The following VWA3A variants were observed in gnomAD, a reference collection of about 807,000 sequenced individuals.
The protein encoded by VWA3A is von Willebrand factor A domain-containing protein 3A.
In VWA3A, 134 loss-of-function variants were observed where a neutral mutation model predicts 160.4. The observed-to-expected ratio is 0.84, with a 90% CI of 0.73 to 0.96. The LOEUF is 0.96. Ranked by LOEUF, VWA3A falls within the 40% of genes least tolerant of loss-of-function variation. The pLI, the probability that VWA3A is intolerant of heterozygous loss-of-function variation, is 0.00. For missense variants in VWA3A, 1,310 were observed against 1,447.9 expected (o/e 0.90, Z 1.55); for synonymous variants, 476 against 543.4 (o/e 0.88, Z 1.72).
chr16:22,126,295 C>T lies in VWA3A; in HGVS notation c.1650C>T (p.Ile550=), dbSNP rs75868483. 1,242 of 1,611,290 alleles carry T rather than the reference C, an allele frequency of 7.7e-4. 1 individual carries two copies. The highest frequency in any genetic ancestry group is 9.9e-4 in the Non-Finnish European group (1,167 of 1,178,010). Residue 550 remains isoleucine (I), a splice_region_variant and synonymous_variant, in exon 17 of 34, where the codon ATC becomes ATT. Coordinates refer to ENST00000389398, the MANE Select transcript of VWA3A (RefSeq NM_173615.5). ...CCAACAAGGACTGTTTCAACCTCAT[C>T]GCGTATGTGTCTCCTGGCTCCTGGG... ...QLSNKDCFNL[I]AFGSTIESWR...
In VWA3A at chr16:22,142,671, C is replaced by T; in HGVS notation, c.2498C>T (p.Ser833Leu). 2 of 1,562,500 alleles carry T rather than the reference C, an allele frequency of 1.3e-6. No individual in the cohort carries two copies. Among genetic ancestry groups the T allele is most frequent in the Non-Finnish European group, 1.7e-6 (2 of 1,152,288 alleles). Residue 833 changes from serine to leucine, a missense_variant, in exon 25 of 34, where the codon TCA becomes TTA. Physicochemically the swap from Ser to Leu is moderately radical, Grantham distance 145 (BLOSUM62 -2). Coordinates refer to ENST00000389398, the MANE Select transcript of VWA3A (RefSeq NM_173615.5). ...GACCTCACTCTGCTTCTTCTAGGCT[C>T]AGTGTACAAGAAGTACCCTCAAGGA... ...FYTEKGNDVGSVYKKYPQGRG... is the reference protein window; with the variant it reads ...FYTEKGNDVGLVYKKYPQGRG...
At chr16:22,126,745 C>T (rs1833928) in intron 17 of VWA3A, among the ~76,000 whole-genome samples, 9,363 of 152,108 alleles carry the variant, frequency 0.062, 999 homozygotes, top group African/African-American at 0.21. Flanking sequence ...CAGTGGCTCA[C>T]GCCTGTAATC....
At chr16:22,147,586 G>A (rs1048847936) in intron 27 of VWA3A, 1 of 703,184 alleles carries the variant, frequency 1.4e-6, no homozygotes. Flanking sequence ...GTCCTCTGCA[G>A]TAGGACCTGG....
rs1432849208 is a variant in VWA3A, at chr16:22,118,974, C to T, written c.1063C>T (p.Gln355Ter). Residue 355 changes from glutamine (Q) to a stop codon, truncating the protein, a stop_gained, in exon 12 of 34, where the codon CAA (glutamine) becomes TAA (stop). Coordinates refer to ENST00000389398, the MANE Select transcript of VWA3A (RefSeq NM_173615.5). LOFTEE classifies it high-confidence loss of function. ...GGCCCAGAGCCTCCTCAGCCACGTG[C>T]AAGCCCTGCAGCACAGCAGCCCCTG... The part of the protein sequence containing the change: ...QKAQSLLSHV[Q>*]ALQHSSPCEA... 1 of 1,613,924 alleles carries T rather than the reference C, an allele frequency of 6.2e-7. No individual in the cohort carries two copies. Among genetic ancestry groups the T allele is most frequent in the Non-Finnish European group, 8.5e-7 (1 of 1,179,842 alleles).
chr16:22,110,997 G>A lies in VWA3A; in HGVS notation c.689+3G>A. The A allele has an allele frequency of 2.5e-6, 4 of 1,599,264 alleles. No homozygotes were observed. The highest frequency in any genetic ancestry group is 2.3e-5 in the South Asian group (2 of 88,262). ...CCCATGGAAGTCAGCGCCTCCACGT[G>A]AGTGGCTTTCCTACCTGACGGTGAT... On this transcript the variant is annotated splice_donor_region_variant and intron_variant, in intron 8 of 33. Coordinates refer to ENST00000389398, the MANE Select transcript of VWA3A (RefSeq NM_173615.5).
intron 6 of VWA3A, among the ~76,000 whole-genome samples, chr16:22,108,321 G>A (rs938934044): frequency 6.6e-6 from 1 of 152,152 alleles, no homozygotes; most frequent in African/African-American, 2.4e-5. Context: ...TCCAGGAGAA[G>A]GGATGATTAC....
Position 22,113,363 on chromosome 16 carries a change from CTTTTTTTTTTTTTTTTTTTT to C in VWA3A, c.690-1970_690-1951del, listed in dbSNP as rs569069206. Among the ~76,000 whole-genome samples the C allele has an allele frequency of 2.8e-4, 13 of 46,264 alleles. No homozygotes were observed. In the East Asian group the frequency reaches 0.014, roughly 49 times the overall value. 30.4% of individuals were successfully genotyped at this position (46,264 alleles called of 152,430 possible). ...TGCTCCACAATGCCTGGCTAATTTT[CTTTTTTTTTTTTTTTTTTTT>C]TTTTTTTTTTTTTGTATTTTTAGTA... On this transcript the variant is annotated intron_variant, in intron 8 of 33. Transcript: ENST00000389398.
intron 14 of VWA3A, among the ~76,000 whole-genome samples, 160 bp downstream of exon 14, chr16:22,121,777 C>T (rs1379553066): frequency 6.6e-6 from 1 of 152,036 alleles, no homozygotes; most frequent in African/African-American, 2.4e-5. Context: ...TGTTGGTTTT[C>T]AAAGATCTGA....
intron 2 of VWA3A, among the ~76,000 whole-genome samples, 188 bp downstream of exon 2, chr16:22,097,133 T>C (rs1285055614): frequency 1.3e-5 from 2 of 151,800 alleles, no homozygotes; most frequent in Non-Finnish European, 1.5e-5. Flanking sequence ...ACCCAGCTGA[T>C]TTTGTGTATT....
rs2046237634 is a variant in VWA3A, at chr16:22,145,734, G to A, written c.2731-502G>A. ...AATCTTAATTCCCTACTCCTTTGTA[G>A]AACCATAAATCCACTAGTTTAATAG... On this transcript the variant is annotated intron_variant, in intron 26 of 33. Transcript: ENST00000389398. 2.0e-5 allele frequency among the ~76,000 whole-genome samples: 3 copies of A among 149,282 alleles called. No homozygotes were observed. The South Asian group carries it at 6.3e-4, about 31-fold the overall frequency.
chr16:22,101,331 T>C (rs1245346011), intron 5 of VWA3A, among the ~76,000 whole-genome samples: 1 of 152,210 alleles, frequency 6.6e-6, no homozygotes, highest in Non-Finnish European at 1.5e-5. Context: ...TTAAGAGTAA[T>C]GACTTTCAAT....
intron 31 of VWA3A, among the ~76,000 whole-genome samples, chr16:22,153,659 A>C (rs1598115655): frequency 6.6e-6 from 1 of 152,090 alleles, no homozygotes; most frequent in Admixed American, 6.6e-5. Flanking sequence ...CAGCGCAACA[A>C]ATTATCAAGT....
At chr16:22,094,483 G>C (rs1186935308) in intron 1 of VWA3A, among the ~76,000 whole-genome samples, 1 of 152,040 alleles carries the variant, frequency 6.6e-6, no homozygotes, top group Non-Finnish European at 1.5e-5. Context: ...ACTCTAAGTT[G>C]CAACTTTATT....
At position 22,100,493 on chromosome 16, in the gene VWA3A, A is replaced by C. The variant is rs2045392162; in HGVS notation, c.428A>C (p.Asp143Ala). ...IIRHFESKLS[D>A]TIEVYQERIQ... ...CGCCATTTTGAGTCAAAGCTTTCTG[A>C]GTAAGTATGTTTCTCACTGTCCTCC... Residue 143 changes from aspartate (D) to alanine (A), a missense_variant and splice_region_variant, in exon 5 of 34, where the codon GAC (aspartate) becomes GCC (alanine). Coordinates refer to ENST00000389398, the MANE Select transcript of VWA3A (RefSeq NM_173615.5). 12 of 1,551,428 alleles carry C rather than the reference A, an allele frequency of 7.7e-6. No homozygotes were observed. Among genetic ancestry groups the C allele is most frequent in the Non-Finnish European group, 9.6e-6 (11 of 1,146,898 alleles).
Position 22,100,327 on chromosome 16 carries a change from G to A in VWA3A, c.350+9G>A. ...CAGGGCACAGAAGTGCTGTAAGTCT[G>A]AAGCTGTTCCCCGCACCCCCCACAG... On this transcript the variant is annotated intron_variant, in intron 4 of 33. Transcript: ENST00000389398. 1 of 1,551,594 alleles carries A rather than the reference G, an allele frequency of 6.4e-7. No individual in the cohort carries two copies. Among genetic ancestry groups the A allele is most frequent in the Non-Finnish European group, 8.7e-7 (1 of 1,146,992 alleles).
At chr16:22,126,948 AAGATC>A (rs5816168) in intron 17 of VWA3A, among the ~76,000 whole-genome samples, 64,841 of 149,392 alleles carry the variant, frequency 0.43, 15,987 homozygotes, top group East Asian at 0.81. Flanking sequence ...AAATACAACA[AAGATC>A]AGAGAGGTTT....
At chr16:22,147,998 C>T (rs967830159) in intron 27 of VWA3A, among the ~76,000 whole-genome samples, 164 bp from the exon 28 acceptor site, 1 of 152,116 alleles carries the variant, frequency 6.6e-6, no homozygotes, top group African/African-American at 2.4e-5. Flanking sequence ...ACCCCTCCCA[C>T]AGCACCACAA....
intron 12 of VWA3A, among the ~76,000 whole-genome samples, chr16:22,119,381 A>G (rs1422640109): frequency 6.6e-6 from 1 of 152,166 alleles, no homozygotes; most frequent in Non-Finnish European, 1.5e-5. Context: ...CCTTTAAGAG[A>G]GTCATTCTCA....
intron 5 of VWA3A, among the ~76,000 whole-genome samples, chr16:22,102,010 C>T (rs976614925): frequency 6.6e-6 from 1 of 152,196 alleles, no homozygotes; most frequent in Admixed American, 6.5e-5. Context: ...CAAGGTCACA[C>T]AGCTAGTAGA....
Sources: gnomAD v4.1 joint callset for allele counts (sites outside exome capture counted in the v4.1 genomes callset) on GRCh38, gnomAD v4.1.1 for gene constraint, MANE v1.5 for transcripts, NCBI Gene and HGNC (gene_info 2026-07-23, HGNC 2026-07-21) for gene names.